Variants in UNC80 observed in about 807,000 individuals in gnomAD.
UNC80 encodes the protein unc-80 subunit of NALCN channel complex, also known as protein unc-80 homolog.
In UNC80, 164 loss-of-function variants were observed where a neutral mutation model predicts 384.6. The ratio of observed to expected loss-of-function variants is 0.43; its 90% CI spans 0.38 to 0.49. UNC80 has a LOEUF of 0.49. Among genes scored for constraint, UNC80 ranks in the 20% least tolerant of loss-of-function variants. The probability of loss-of-function intolerance (pLI) is 0.00; values close to 1 mark genes in which losing one functional copy is unlikely to be tolerated. For missense variants in UNC80, 3,330 were observed against 4,143.0 expected (o/e 0.80, Z 5.39); for synonymous variants, 1,486 against 1,527.8 (o/e 0.97, Z 0.64).
At chr2:209,782,403 C>T (rs2077201189) in intron 4 of UNC80, among the ~76,000 whole-genome samples, 1 of 152,082 alleles carries the variant, frequency 6.6e-6, no homozygotes, top group African/African-American at 2.4e-5. Flanking sequence ...ACTTCTCTTT[C>T]TAGTAAACTC....
chr2:209,877,265 A>G (rs2084863124), intron 23 of UNC80, among the ~76,000 whole-genome samples: 1 of 152,212 alleles, frequency 6.6e-6, no homozygotes. Context: ...ATAGTGCCTG[A>G]TGATTCAATA....
At chr2:209,912,529 ACT>A in intron 29 of UNC80, 29 bp from the exon 30 acceptor site, 3 of 1,454,272 alleles carry the variant, frequency 2.1e-6, no homozygotes, top group Non-Finnish European at 2.8e-6. Flanking sequence ...AAAACACATC[ACT>A]CTTCATTACA....
chr2:209,851,614 A>G (rs553905218), intron 22 of UNC80, among the ~76,000 whole-genome samples: 1 of 152,012 alleles, frequency 6.6e-6, no homozygotes, highest in East Asian at 1.9e-4. Flanking sequence ...GGCTGCACCT[A>G]TTTTTCCCTT....
intron 22 of UNC80, among the ~76,000 whole-genome samples, chr2:209,850,053 C>T (rs1323798293): frequency 2.0e-5 from 3 of 152,030 alleles, no homozygotes; most frequent in Non-Finnish European, 4.4e-5. Context: ...CTTATGTCTG[C>T]CATGTATTAG....
Position 209,771,979 on chromosome 2 carries a change from G to T in UNC80, c.-94G>T, listed in dbSNP as rs1226737572. 3.4e-6 allele frequency: 3 copies of T among 880,602 alleles called. No individual in the cohort carries two copies. The East Asian group carries it at 8.5e-5, about 25-fold the overall frequency. 54.5% of individuals were successfully genotyped at this position (880,602 alleles called of 1,614,324 possible). A position where few individuals can be genotyped will look rare whatever the true frequency, so the allele number is the denominator to read the frequency against. ...GCCGGCTCTGCCTCGGGGAAGGAGG[G>T]GATGAGAGTTGGGAGCAGCGGGAGG... is the stretch of plus-strand genomic sequence containing the variant. On this transcript the variant is annotated 5_prime_UTR_variant, in exon 1 of 65. The change creates a premature stop within an existing upstream ORF in the 5' untranslated region. Transcript: ENST00000673920.
At position 209,903,437 on chromosome 2, in the gene UNC80, T is replaced by C. The variant is rs1574953981; in HGVS notation, c.4582-1328T>C. On this transcript the variant is annotated intron_variant, in intron 28 of 64. Transcript: ENST00000673920. ...TACACATTATATATATTTATATATA[T>C]ACACATTATATATATTTATATATAC... Among the ~76,000 whole-genome samples the C allele has an allele frequency of 3.6e-5, 4 of 111,656 alleles. No individual in the cohort carries two copies. The South Asian group carries it at 7.4e-4, about 21-fold the overall frequency. 73.3% of individuals were successfully genotyped at this position (111,656 alleles called of 152,430 possible).
chr2:209,806,438 A>G (rs1200669811), intron 7 of UNC80, among the ~76,000 whole-genome samples: 1 of 152,234 alleles, frequency 6.6e-6, no homozygotes, highest in Non-Finnish European at 1.5e-5. Flanking sequence ...CCTGACATAT[A>G]TGTGCGTAGT....
chr2:209,894,453 C>T (rs1320251409), intron 27 of UNC80, 87 bp downstream of exon 27: 2 of 737,522 alleles, frequency 2.7e-6, no homozygotes, highest in Non-Finnish European at 3.3e-6. Context: ...CATTTTCTTA[C>T]ACATAAATAG....
chr2:209,800,491 TAA>T (rs141216729), intron 7 of UNC80, among the ~76,000 whole-genome samples: 1,715 of 145,112 alleles, frequency 0.012, 29 homozygotes, highest in African/African-American at 0.036. Context: ...TTTTGTTATT[TAA>T]AAAAAAAAAA....
intron 25 of UNC80, among the ~76,000 whole-genome samples, chr2:209,886,197 A>C (rs1385339042): frequency 6.6e-6 from 1 of 151,496 alleles, no homozygotes; most frequent in Non-Finnish European, 1.5e-5. Flanking sequence ...TTATTATGTC[A>C]TAATTAGAAA....
At chr2:209,777,729 C>G (rs2076944010) in intron 4 of UNC80, among the ~76,000 whole-genome samples, 170 bp downstream of exon 4, 1 of 152,192 alleles carries the variant, frequency 6.6e-6, no homozygotes, top group Admixed American at 6.5e-5. Flanking sequence ...TTCAAAAACA[C>G]AAATTTCCAC....
chr2:209,842,678 A>G (rs2081854150), intron 21 of UNC80, among the ~76,000 whole-genome samples: 1 of 152,208 alleles, frequency 6.6e-6, no homozygotes, highest in Non-Finnish European at 1.5e-5. Flanking sequence ...TTCAAAGAGT[A>G]AGATCCAGCC....
chr2:209,936,959 G>A (rs571606792), intron 41 of UNC80, 26 bp downstream of exon 41: 39 of 1,463,292 alleles, frequency 2.7e-5, no homozygotes, highest in East Asian at 2.5e-4. Flanking sequence ...TGACATCCCC[G>A]TTGAGTTGTG....
intron 13 of UNC80, among the ~76,000 whole-genome samples, chr2:209,822,640 A>G (rs1559147985): frequency 6.6e-6 from 1 of 152,196 alleles, no homozygotes; most frequent in African/African-American, 2.4e-5. Context: ...TAGGTTTTGT[A>G]TGTATGCTAA....
chr2:209,881,132 G>A (rs1219134321), intron 25 of UNC80, 38 bp downstream of exon 25: 4 of 1,549,264 alleles, frequency 2.6e-6, no homozygotes, highest in Non-Finnish European at 3.5e-6. Context: ...CAGGTTACTC[G>A]GAGAGGCCAG....
At chr2:209,777,233 C>T (rs769966443) in intron 3 of UNC80, 25 bp from the exon 4 acceptor site, 8 of 1,547,008 alleles carry the variant, frequency 5.2e-6, no homozygotes, top group Non-Finnish European at 7.0e-6. Context: ...TTTTCTTAAC[C>T]TGCCTGTGTA....
At chr2:209,943,906 G>A (rs1245559270) in intron 45 of UNC80, among the ~76,000 whole-genome samples, 1 of 152,160 alleles carries the variant, frequency 6.6e-6, no homozygotes, top group Non-Finnish European at 1.5e-5. Context: ...GTTACCACTG[G>A]AGGTAGTGGC....
intron 29 of UNC80, among the ~76,000 whole-genome samples, chr2:209,909,735 G>T (rs2088692196): frequency 2.6e-5 from 4 of 152,078 alleles, no homozygotes; most frequent in Admixed American, 2.6e-4. Flanking sequence ...GATGCCGAGA[G>T]GAGTCACAGA....
At chr2:209,972,918 G>A in intron 55 of UNC80, 146 bp from the exon 56 acceptor site, 1 of 695,438 alleles carries the variant, frequency 1.4e-6, no homozygotes, top group Non-Finnish European at 2.4e-6. Context: ...GTCCATTGGT[G>A]AAGCTGTACT....
Sources: allele counts gnomAD v4.1 joint callset (sites outside exome capture counted in the v4.1 genomes callset), GRCh38; gene constraint gnomAD v4.1.1; transcripts MANE v1.5; gene names NCBI Gene and HGNC (gene_info 2026-07-23, HGNC 2026-07-21).